CDKL3: variants seen among roughly 807,000 people sequenced by gnomAD.
The protein encoded by CDKL3 is cyclin-dependent kinase-like 3.
In CDKL3, 65 loss-of-function variants were observed where a neutral mutation model predicts 69.3. The observed-to-expected ratio is 0.94, with a 90% confidence interval of 0.77 to 1.15. The LOEUF is 1.15. CDKL3 is among the 50% of genes most tolerant of loss of function. The probability of loss-of-function intolerance (pLI) is 0.00; values close to 1 mark genes in which losing one functional copy is unlikely to be tolerated. For missense variants in CDKL3, 652 were observed against 689.2 expected (o/e 0.95, Z 0.61); for synonymous variants, 202 against 221.6 (o/e 0.91, Z 0.79).
At chr5:134,352,765 A>G (rs1172558744) in intron 3 of CDKL3, among the ~76,000 whole-genome samples, 1 of 152,028 alleles carries the variant, frequency 6.6e-6, no homozygotes, top group Non-Finnish European at 1.5e-5. Flanking sequence ...CCAATTTTTA[A>G]TCAGGTTATT....
chr5:134,366,374 TTC>T lies in CDKL3; in HGVS notation c.148_149del (p.Glu50AsnfsTer17). The T allele has an allele frequency of 6.4e-7, 1 of 1,572,790 alleles. No homozygotes were observed. Among genetic ancestry groups the T allele is most frequent in the Non-Finnish European group, 8.6e-7 (1 of 1,163,134 alleles). On this transcript the variant is annotated frameshift_variant, in exon 2 of 13. Transcript: ENST00000265334. LOFTEE classifies it high-confidence loss of function. ...AGAAGCAAACCTTTAGAAACTTTAT[TTC>T]TCTCATCGCAATTTTGTTGACAGAT... ...EQSVNKIAMR[E>X]IKFLKQFHHE...
At chr5:134,366,098 C>T (rs146347128) in intron 2 of CDKL3, among the ~76,000 whole-genome samples, 226 of 152,276 alleles carry the variant, frequency 1.5e-3, no homozygotes, top group African/African-American at 5.2e-3. Flanking sequence ...ATGCCTTGCA[C>T]ATAGCAGAAA....
chr5:134,298,764 C>A (rs992276233), intron 12 of CDKL3, 54 bp from the exon 13 acceptor site: 1 of 1,579,614 alleles, frequency 6.3e-7, no homozygotes, highest in South Asian at 1.2e-5. Flanking sequence ...TAAATATATG[C>A]TACCAAAACT....
intron 1 of CDKL3, 53 bp from the exon 2 acceptor site, chr5:134,366,597 TTTA>T: frequency 1.7e-6 from 2 of 1,154,678 alleles, no homozygotes; most frequent in Non-Finnish European, 2.4e-6. Context: ...TATACTTTTA[TTTA>T]TTAAAACTAG....
chr5:134,329,987 G>A lies in CDKL3; in HGVS notation c.540-8084C>T, dbSNP rs1775373222. 2.7e-5 allele frequency among the ~76,000 whole-genome samples: 4 copies of A among 150,564 alleles called. No homozygotes were observed. The South Asian group carries it at 8.5e-4, about 32-fold the overall frequency. On this transcript the variant is annotated intron_variant, in intron 4 of 12. Coordinates refer to ENST00000265334, the MANE Select transcript of CDKL3 (RefSeq NM_001113575.2). ...ATCGCGCCACTGCACTCCAGTCTGG[G>A]CAACAGAGTGAGACCCTGTCTCAAA... is the stretch of plus-strand genomic sequence containing the variant.
downstream of CDKL3, among the ~76,000 whole-genome samples, chr5:134,284,958 C>A (rs192640258): frequency 6.6e-6 from 1 of 152,128 alleles, no homozygotes; most frequent in Non-Finnish European, 1.5e-5. Flanking sequence ...CACAAAGTCC[C>A]GAGGCGACAT....
intron 5 of CDKL3, among the ~76,000 whole-genome samples, 153 bp from the exon 6 acceptor site, chr5:134,319,650 C>T (rs566775139): frequency 6.6e-5 from 10 of 152,132 alleles, no homozygotes; most frequent in Non-Finnish European, 1.5e-4. Context: ...TGAATAAAAA[C>T]TATCTGAACA....
intron 4 of CDKL3, among the ~76,000 whole-genome samples, chr5:134,327,221 T>A (rs1264047865): frequency 6.6e-6 from 1 of 152,176 alleles, no homozygotes; most frequent in Non-Finnish European, 1.5e-5. Context: ...CTACCTTGAA[T>A]GCAGTGCAGA....
At chr5:134,293,857 C>T (rs1765233820), downstream of CDKL3, among the ~76,000 whole-genome samples, 2 of 151,866 alleles carry the variant, frequency 1.3e-5, no homozygotes, top group South Asian at 4.2e-4. Flanking sequence ...GCCTATAATC[C>T]CAGCCTTTGA....
At chr5:134,353,800 C>T (rs181003110) in intron 3 of CDKL3, among the ~76,000 whole-genome samples, 288 of 152,164 alleles carry the variant, frequency 1.9e-3, no homozygotes, top group African/African-American at 5.6e-3. Flanking sequence ...CCTTGTGATC[C>T]GCCCGCCTCG....
chr5:134,366,766 T>G (rs918132496), intron 1 of CDKL3, among the ~76,000 whole-genome samples: 35 of 151,726 alleles, frequency 2.3e-4, no homozygotes, highest in Admixed American at 9.2e-4. Context: ...AACTTAGGGG[T>G]ACTCCTGCTG....
chr5:134,371,584 C>G (rs371691768), upstream of CDKL3: 29 of 1,612,090 alleles, frequency 1.8e-5, no homozygotes, highest in Admixed American at 1.5e-4. Flanking sequence ...GACCGCGGGG[C>G]AGCTGCGGAG....
At chr5:134,286,655 A>T (rs1764879964) in intron 8 of CDKL3, 1 of 152,622 alleles carries the variant, frequency 6.6e-6, no homozygotes, top group African/African-American at 2.4e-5. Flanking sequence ...GGCAAGGAAC[A>T]GCAAGTCATG....
rs139315944 is a variant in CDKL3, at chr5:134,317,159, G to A, written c.792+2199C>T. ...TTTTATTTTTATTTATTTTTGAGAC[G>A]GAGTTTCACTCTGTCACCCAGGCTG... On this transcript the variant is annotated intron_variant, in intron 6 of 12. Coordinates refer to ENST00000265334, the MANE Select transcript of CDKL3 (RefSeq NM_001113575.2). Among the ~76,000 whole-genome samples the A allele has an allele frequency of 7.3e-3, 1,106 of 151,786 alleles. 16 individuals are homozygous for A. The highest frequency in any genetic ancestry group is 0.025 in the African/African-American group (1,053 of 41,380).
intron 9 of CDKL3, 50 bp from the exon 10 acceptor site, chr5:134,306,752 T>TTA: frequency 1.9e-6 from 1 of 529,928 alleles, no homozygotes; most frequent in Non-Finnish European, 2.7e-6. Context: ...CAGAAATGCT[T>TTA]TTTTTTTTTT....
chr5:134,288,581 C>T (rs778459552), intron 8 of CDKL3, among the ~76,000 whole-genome samples: 7 of 152,174 alleles, frequency 4.6e-5, no homozygotes, highest in Non-Finnish European at 8.8e-5. Flanking sequence ...AGGACACTTT[C>T]AGACCTAATT....
intron 3 of CDKL3, among the ~76,000 whole-genome samples, chr5:134,354,777 T>C (rs1223506736): frequency 6.6e-6 from 1 of 151,872 alleles, no homozygotes; most frequent in Non-Finnish European, 1.5e-5. Flanking sequence ...TGAAACCCCG[T>C]CTCTACTAAA....
upstream of CDKL3, among the ~76,000 whole-genome samples, chr5:134,367,758 A>G (rs1757799325): frequency 6.6e-6 from 1 of 152,218 alleles, no homozygotes; most frequent in Non-Finnish European, 1.5e-5. Flanking sequence ...TCTTTTTTAA[A>G]GAAAAAAAAC....
intron 3 of CDKL3, among the ~76,000 whole-genome samples, chr5:134,359,207 A>T (rs1581230084): frequency 6.6e-6 from 1 of 152,042 alleles, no homozygotes; most frequent in Non-Finnish European, 1.5e-5. Flanking sequence ...GAGAGGCAGG[A>T]GAATTGCTTG....
Sources: gnomAD v4.1 joint callset for allele counts (sites outside exome capture counted in the v4.1 genomes callset) on GRCh38, gnomAD v4.1.1 for gene constraint, MANE v1.5 for transcripts, NCBI Gene and HGNC (gene_info 2026-07-23, HGNC 2026-07-21) for gene names.